Variants in CNTLN observed in about 807,000 individuals in gnomAD.
The protein encoded by CNTLN is centlein, centrosomal protein.
In CNTLN, 212 loss-of-function variants were observed where a neutral mutation model predicts 180.0. The ratio of observed to expected loss-of-function variants is 1.18; its 90% confidence interval spans 1.05 to 1.32. CNTLN has a LOEUF of 1.32. CNTLN is among the 40% of genes most tolerant of loss of function. The pLI, the probability that CNTLN is intolerant of heterozygous loss-of-function variation, is 0.00. For synonymous variants in CNTLN, 722 were observed against 563.1 expected (o/e 1.28, Z -3.99); for missense variants, 2,095 against 1,610.9 (o/e 1.30, Z -5.14).
intron 2 of CNTLN, among the ~76,000 whole-genome samples, chr9:17,200,195 A>G (rs948272919): frequency 6.6e-6 from 1 of 152,126 alleles, no homozygotes; most frequent in African/African-American, 2.4e-5. Context: ...CCATTGGTCT[A>G]CATATATGTT....
At chr9:17,478,989 C>T (rs752572718) in intron 23 of CNTLN, among the ~76,000 whole-genome samples, 5 of 152,088 alleles carry the variant, frequency 3.3e-5, no homozygotes, top group African/African-American at 4.8e-5. Flanking sequence ...ATCAATGCCA[C>T]AGTGAGATAA....
At chr9:17,421,979 A>C (rs1043239826) in intron 18 of CNTLN, among the ~76,000 whole-genome samples, 3 of 152,138 alleles carry the variant, frequency 2.0e-5, no homozygotes, top group African/African-American at 7.2e-5. Flanking sequence ...TGCTATTACC[A>C]GTGAGTTTTT....
rs1279284583 is a variant in CNTLN, at chr9:17,195,524, T to A, written c.450-30679T>A. 3.3e-5 allele frequency among the ~76,000 whole-genome samples: 5 copies of A among 152,192 alleles called. No homozygotes were observed. In the East Asian group the frequency reaches 9.6e-4, roughly 29 times the overall value. On this transcript the variant is annotated intron_variant, in intron 2 of 25. Transcript: ENST00000380647. ...TGAGTCTTCTTGGAGCTTGTTTTTA[T>A]GAGTTTTTAAGTTCTAGGTTTATGT...
intron 8 of CNTLN, among the ~76,000 whole-genome samples, chr9:17,327,809 T>C (rs62561379): frequency 0.29 from 43,573 of 151,662 alleles, 6,626 homozygotes; most frequent in South Asian, 0.51. Context: ...CAAAAGTAGC[T>C]GGGCATGGTG....
chr9:17,508,238 T>A (rs1403336249), downstream of CNTLN, among the ~76,000 whole-genome samples: 28 of 152,220 alleles, frequency 1.8e-4, no homozygotes, highest in Admixed American at 1.8e-3. Flanking sequence ...TTCTTTATTT[T>A]TATATGACAT....
the CNTLN span, among the ~76,000 whole-genome samples, chr9:17,524,429 T>C: frequency 6.6e-6 from 1 of 152,192 alleles, no homozygotes; most frequent in African/African-American, 2.4e-5. Flanking sequence ...TATTAGGGCT[T>C]CCATCAATTG....
At chr9:17,312,553 A>ATTTTTTTTT (rs56915301) in intron 8 of CNTLN, among the ~76,000 whole-genome samples, 399 of 100,334 alleles carry the variant, frequency 4.0e-3, no homozygotes, top group African/African-American at 5.5e-3. Flanking sequence ...AGCCCGGCTA[A>ATTTTTTTTT]TTTTTTTTTT....
At chr9:17,408,538 A>T (rs1469256004) in intron 15 of CNTLN, among the ~76,000 whole-genome samples, 1 of 151,930 alleles carries the variant, frequency 6.6e-6, no homozygotes, top group African/African-American at 2.4e-5. Flanking sequence ...GCAGTGGCTC[A>T]TGCCTGTAAT....
intron 19 of CNTLN, among the ~76,000 whole-genome samples, chr9:17,458,511 A>T (rs1397490713): frequency 1.3e-5 from 2 of 151,954 alleles, no homozygotes; most frequent in Non-Finnish European, 2.9e-5. Flanking sequence ...CACAGAGTAC[A>T]TTAGAAATGG....
chr9:17,194,874 A>G (rs926140781), intron 2 of CNTLN, among the ~76,000 whole-genome samples: 4 of 152,196 alleles, frequency 2.6e-5, no homozygotes. Flanking sequence ...TCGTGACAGG[A>G]GGCAAAAAGC....
intron 2 of CNTLN, among the ~76,000 whole-genome samples, chr9:17,197,620 A>G (rs1157338862): frequency 6.6e-6 from 1 of 152,102 alleles, no homozygotes; most frequent in Admixed American, 6.5e-5. Flanking sequence ...TGAGTTTCTT[A>G]TACTCTGGTT....
intron 18 of CNTLN, among the ~76,000 whole-genome samples, chr9:17,430,374 C>G (rs1829345978): frequency 6.6e-6 from 1 of 151,912 alleles, no homozygotes; most frequent in South Asian, 2.1e-4. Context: ...TATTTGAAAA[C>G]TCTCTAGTAT....
At chr9:17,257,192 G>A in intron 5 of CNTLN, among the ~76,000 whole-genome samples, 1 of 150,106 alleles carries the variant, frequency 6.7e-6, no homozygotes, top group Non-Finnish European at 1.5e-5. Flanking sequence ...TGATCTCATT[G>A]TTCAATTCCC....
At chr9:17,357,250 C>T (rs1822922087) in intron 12 of CNTLN, among the ~76,000 whole-genome samples, 1 of 133,826 alleles carries the variant, frequency 7.5e-6, no homozygotes, top group African/African-American at 2.7e-5. Context: ...TTTATTCAGC[C>T]ATTGATGGAT....
chr9:17,476,056 C>A (rs1183623098), intron 23 of CNTLN, among the ~76,000 whole-genome samples: 1 of 151,820 alleles, frequency 6.6e-6, no homozygotes, highest in Non-Finnish European at 1.5e-5. Context: ...TGTGTGCTCA[C>A]TTTGTGTCTC....
intron 5 of CNTLN, among the ~76,000 whole-genome samples, chr9:17,266,209 A>G (rs1044567066): frequency 6.6e-6 from 1 of 152,042 alleles, no homozygotes; most frequent in Admixed American, 6.6e-5. Context: ...ACTGCTTTGA[A>G]TGTGTTCCAG....
At chr9:17,398,946 A>G (rs1161691461) in intron 15 of CNTLN, among the ~76,000 whole-genome samples, 2 of 152,196 alleles carry the variant, frequency 1.3e-5, no homozygotes, top group African/African-American at 4.8e-5. Flanking sequence ...AAGGGATAAA[A>G]ACTAATCACT....
chr9:17,267,884 C>A (rs558541401), intron 5 of CNTLN, among the ~76,000 whole-genome samples: 81 of 152,190 alleles, frequency 5.3e-4, no homozygotes, highest in Non-Finnish European at 1.0e-3. Context: ...GTTTTCAGCT[C>A]CATCAGGTTC....
chr9:17,369,114 A>T (rs958942998), intron 13 of CNTLN, among the ~76,000 whole-genome samples: 1 of 152,134 alleles, frequency 6.6e-6, no homozygotes, highest in Non-Finnish European at 1.5e-5. Flanking sequence ...GAGGTAATTG[A>T]ATCATGGGGG....
Sources: allele counts gnomAD v4.1 joint callset (sites outside exome capture counted in the v4.1 genomes callset), GRCh38; gene constraint gnomAD v4.1.1; transcripts MANE v1.5; gene names NCBI Gene and HGNC (gene_info 2026-07-23, HGNC 2026-07-21).